Variants in DYNC1LI1 observed in about 807,000 individuals in gnomAD.
DYNC1LI1 encodes the protein cytoplasmic dynein 1 light intermediate chain 1.
DYNC1LI1 carries 19 observed loss-of-function variants against 63.8 expected under a neutral mutation model. That is an observed-to-expected ratio of 0.30 (90% CI 0.21 to 0.44). The LOEUF (loss-of-function observed/expected upper bound fraction) is 0.44. Among genes scored for constraint, DYNC1LI1 ranks in the 20% least tolerant of loss-of-function variants. The pLI, the probability that DYNC1LI1 is intolerant of heterozygous loss-of-function variation, is 1.00. For missense variants in DYNC1LI1, 565 were observed against 630.2 expected, an observed-to-expected ratio of 0.90 and a Z score of 1.11; for synonymous variants, 225 against 232.3, an observed-to-expected ratio of 0.97 and a Z score of 0.28.
At chr3:32,546,268 C>T (rs574023561) in intron 2 of DYNC1LI1, among the ~76,000 whole-genome samples, 4 of 152,150 alleles carry the variant, frequency 2.6e-5, no homozygotes, top group South Asian at 2.1e-4. Context: ...ATTAGTCAGG[C>T]GTGGTGGTGC....
chr3:32,553,290 C>A lies in DYNC1LI1; in HGVS notation c.221-7325G>T, dbSNP rs1698069110. ...AATCAAGGCTGCAGTAAGCTGTGAT[C>A]ATGCCACTGCACTCCAGCCCGGGAA... is the stretch of plus-strand genomic sequence containing the variant. On this transcript the variant is annotated intron_variant, in intron 2 of 12. Transcript: ENST00000273130. 2.6e-5 allele frequency among the ~76,000 whole-genome samples: 4 copies of A among 152,212 alleles called. No homozygotes were observed. The South Asian group carries it at 8.3e-4, about 32-fold the overall frequency.
intron 1 of DYNC1LI1, 39 bp from the exon 2 acceptor site, chr3:32,570,458 G>T: frequency 3.9e-6 from 6 of 1,549,276 alleles, no homozygotes; most frequent in Non-Finnish European, 5.2e-6. Context: ...CCGGAGGCCG[G>T]AGCCGCAGCG....
intron 5 of DYNC1LI1, among the ~76,000 whole-genome samples, chr3:32,537,862 T>A (rs1167890424): frequency 8.8e-6 from 1 of 113,238 alleles, no homozygotes; most frequent in African/African-American, 3.3e-5. Flanking sequence ...GCTATGTAAT[T>A]TTTTTGTTAC....
intron 2 of DYNC1LI1, among the ~76,000 whole-genome samples, chr3:32,561,011 A>C (rs1334069409): frequency 9.0e-6 from 1 of 111,286 alleles, no homozygotes; most frequent in African/African-American, 3.4e-5. Flanking sequence ...TCAAAAAAAA[A>C]AAAAAAAAAA....
chr3:32,531,511 A>G (rs1362161663), intron 8 of DYNC1LI1: 1 of 152,192 alleles, frequency 6.6e-6, no homozygotes, highest in Admixed American at 6.5e-5. Context: ...GGTTTACTAT[A>G]GGTATCACTC....
At chr3:32,561,896 A>G (rs1167485887) in intron 2 of DYNC1LI1, among the ~76,000 whole-genome samples, 1 of 152,198 alleles carries the variant, frequency 6.6e-6, no homozygotes, top group African/African-American at 2.4e-5. Context: ...ACCATGGTAC[A>G]TGACATTAAA....
chr3:32,563,385 A>T (rs529745709), intron 2 of DYNC1LI1, among the ~76,000 whole-genome samples: 57 of 148,856 alleles, frequency 3.8e-4, no homozygotes, highest in African/African-American at 1.3e-3. Flanking sequence ...CCATCTCCTG[A>T]GTTCAAGCAA....
intron 11 of DYNC1LI1, among the ~76,000 whole-genome samples, chr3:32,529,319 T>C (rs1697664723): frequency 6.6e-6 from 1 of 152,098 alleles, no homozygotes; most frequent in African/African-American, 2.4e-5. Flanking sequence ...AGGAAATTGA[T>C]TAAATATAAC....
In DYNC1LI1 at chr3:32,541,224, C is replaced by T; in HGVS notation, c.569-18G>A. On this transcript the variant is annotated intron_variant, in intron 4 of 12. Coordinates refer to ENST00000273130, the MANE Select transcript of DYNC1LI1 (RefSeq NM_016141.4). The stretch of plus-strand genomic sequence containing the variant: ...TCTAATCACTGAAAATCAAAGTAAA[C>T]ACAATTTAGAAATTGCTTCATTTCA... 1 of 1,528,678 alleles carries T rather than the reference C, an allele frequency of 6.5e-7. No homozygotes were observed. The highest frequency in any genetic ancestry group is 1.4e-5 in the African/African-American group (1 of 71,820). 94.7% of individuals were successfully genotyped at this position (1,528,678 alleles called of 1,614,324 possible).
At chr3:32,532,650 T>C (rs929124205) in intron 8 of DYNC1LI1, 2 of 178,668 alleles carry the variant, frequency 1.1e-5, no homozygotes, top group African/African-American at 2.4e-5. Context: ...GGTTGGAAAG[T>C]TCACAGCTTC....
chr3:32,529,143 G>T (rs1421115484), intron 11 of DYNC1LI1, among the ~76,000 whole-genome samples: 2 of 152,112 alleles, frequency 1.3e-5, no homozygotes, highest in Non-Finnish European at 2.9e-5. Flanking sequence ...ATAATCATTT[G>T]AAAAAATATT....
At chr3:32,534,456 C>T in intron 7 of DYNC1LI1, 55 bp downstream of exon 7, 1 of 1,295,370 alleles carries the variant, frequency 7.7e-7, no homozygotes, top group East Asian at 2.4e-5. Context: ...AATGATTCAC[C>T]ATCAAATAGT....
At chr3:32,565,105 C>T (rs1005259689) in intron 2 of DYNC1LI1, among the ~76,000 whole-genome samples, 2 of 152,036 alleles carry the variant, frequency 1.3e-5, no homozygotes, top group African/African-American at 4.8e-5. Context: ...CATTTCTTTC[C>T]GGGGTGGAAT....
chr3:32,570,470 G>T (rs1407491831), intron 1 of DYNC1LI1, 51 bp from the exon 2 acceptor site: 1 of 1,526,776 alleles, frequency 6.5e-7, no homozygotes, highest in Non-Finnish European at 8.8e-7. Context: ...GCCGCAGCGC[G>T]GGAGGGACGG....
intron 5 of DYNC1LI1, among the ~76,000 whole-genome samples, chr3:32,538,936 T>A (rs917623234): frequency 6.6e-6 from 1 of 152,186 alleles, no homozygotes; most frequent in African/African-American, 2.4e-5. Flanking sequence ...TTTTATGAAA[T>A]ACAGTAGATG....
Position 32,552,826 on chromosome 3 carries a change from C to T in DYNC1LI1, c.221-6861G>A, listed in dbSNP as rs549813952. 6.0e-4 allele frequency among the ~76,000 whole-genome samples: 91 copies of T among 152,304 alleles called. 1 individual carries two copies. Among genetic ancestry groups the T allele is most frequent in the African/African-American group, 2.1e-3 (89 of 41,554 alleles). ...GTTCAAGTAATTCTCCTGCCTCAGC[C>T]TCCCGAGTAGCTGGGACTACAGGCA... On this transcript the variant is annotated intron_variant, in intron 2 of 12. Coordinates refer to ENST00000273130, the MANE Select transcript of DYNC1LI1 (RefSeq NM_016141.4).
intron 4 of DYNC1LI1, among the ~76,000 whole-genome samples, chr3:32,542,552 C>T (rs538797876): frequency 2.1e-4 from 32 of 152,080 alleles, no homozygotes; most frequent in African/African-American, 7.2e-4. Flanking sequence ...GGACTACAGG[C>T]GCCCACCACC....
intron 5 of DYNC1LI1, among the ~76,000 whole-genome samples, chr3:32,539,055 G>A (rs1214369401): frequency 6.6e-6 from 1 of 152,112 alleles, no homozygotes; most frequent in Non-Finnish European, 1.5e-5. Flanking sequence ...TTTTCATAAG[G>A]CAAGTAGTGC....
rs899004127 is a variant in DYNC1LI1, at chr3:32,530,198, T to A, written c.1185+86A>T. ...TCAAGTTTATATCAAAGCACACCCATATGAAATATGTACATAATTAATAAA... is the reference window on the plus strand; with the variant it reads ...TCAAGTTTATATCAAAGCACACCCAAATGAAATATGTACATAATTAATAAA... On this transcript the variant is annotated intron_variant, in intron 10 of 12. Transcript: ENST00000273130. 11 of 1,100,696 alleles carry A rather than the reference T, an allele frequency of 1.0e-5. No individual in the cohort carries two copies. The Admixed American group carries it at 2.8e-4, about 28-fold the overall frequency. 68.2% of individuals were successfully genotyped at this position (1,100,696 alleles called of 1,614,324 possible).
Sources: gnomAD v4.1 joint callset for allele counts (sites outside exome capture counted in the v4.1 genomes callset) on GRCh38, gnomAD v4.1.1 for gene constraint, MANE v1.5 for transcripts, NCBI Gene and HGNC (gene_info 2026-07-23, HGNC 2026-07-21) for gene names.